The following EYS variants were observed in gnomAD, a reference collection of about 807,000 sequenced individuals.
The protein encoded by EYS is protein eyes shut homolog.
Under a neutral mutation model 282.1 loss-of-function variants are expected in EYS, and 250 were observed. The ratio of observed to expected loss-of-function variants is 0.89; its 90% confidence interval spans 0.80 to 0.98. The LOEUF (loss-of-function observed/expected upper bound fraction) is 0.98, where lower values mean the gene tolerates loss of function less well. EYS is among the 50% of genes least tolerant of loss of function. EYS has a pLI of 0.00. For synonymous variants in EYS, 1,355 were observed against 1,282.9 expected (o/e 1.06, Z -1.20); for missense variants, 4,016 against 3,709.0 (o/e 1.08, Z -2.15).
intron 22 of EYS, among the ~76,000 whole-genome samples, chr6:64,686,468 G>T (rs566572798): frequency 4.0e-5 from 6 of 151,430 alleles, no homozygotes; most frequent in Non-Finnish European, 7.4e-5. Context: ...TAGGGTGAGC[G>T]CGGTGGCTCA....
At chr6:65,295,489 C>T (rs2150285933) in intron 12 of EYS, among the ~76,000 whole-genome samples, 1 of 151,994 alleles carries the variant, frequency 6.6e-6, no homozygotes, top group African/African-American at 2.4e-5. Flanking sequence ...AAAAAATTGT[C>T]ACTCCATGTG....
chr6:65,535,253 TG>T (rs1017060017), intron 2 of EYS, among the ~76,000 whole-genome samples: 1 of 152,144 alleles, frequency 6.6e-6, no homozygotes, highest in African/African-American at 2.4e-5. Context: ...GAGCTTGATA[TG>T]GTTTGGCTGT....
At chr6:65,081,050 T>C (rs1774219185) in intron 12 of EYS, among the ~76,000 whole-genome samples, 1 of 152,128 alleles carries the variant, frequency 6.6e-6, no homozygotes, top group Admixed American at 6.6e-5. Flanking sequence ...CTCACAGCTG[T>C]AATCTTCAAA....
At chr6:64,048,711 T>TA (rs1770708747) in intron 33 of EYS, among the ~76,000 whole-genome samples, 1 of 152,160 alleles carries the variant, frequency 6.6e-6, no homozygotes, top group Non-Finnish European at 1.5e-5. Context: ...TGTTCATTTT[T>TA]ATATGACTAT....
rs144033521 is a variant in EYS, at chr6:64,094,135, T to C, written c.6425-12133A>G. Reference sequence around the variant, plus strand: ...TGATCATGGTGGATAAGCTTTTTGATGTGCTGCTGGATTCGGTTTGCCAGT... The same window carrying C: ...TGATCATGGTGGATAAGCTTTTTGACGTGCTGCTGGATTCGGTTTGCCAGT... On this transcript the variant is annotated intron_variant, in intron 31 of 42. Transcript: ENST00000503581. 5.0e-3 allele frequency among the ~76,000 whole-genome samples: 763 copies of C among 152,202 alleles called. 5 individuals carry two copies. Among genetic ancestry groups the C allele is most frequent in the African/African-American group, 0.018 (730 of 41,580 alleles).
chr6:64,186,941 A>C (rs1006338240), intron 31 of EYS, among the ~76,000 whole-genome samples: 1 of 152,128 alleles, frequency 6.6e-6, no homozygotes, highest in Non-Finnish European at 1.5e-5. Flanking sequence ...GCTCCGACGC[A>C]CTTGGGGAGC....
At chr6:64,941,718 TTA>T (rs1362097651) in intron 15 of EYS, among the ~76,000 whole-genome samples, 2 of 152,114 alleles carry the variant, frequency 1.3e-5, no homozygotes, top group East Asian at 3.9e-4. Flanking sequence ...ATATTTGGTT[TTA>T]TGTTTCTGTA....
At chr6:65,049,148 T>G (rs2150153526) in intron 13 of EYS, among the ~76,000 whole-genome samples, 1 of 151,982 alleles carries the variant, frequency 6.6e-6, no homozygotes, top group African/African-American at 2.4e-5. Context: ...AAATTCTACT[T>G]TATAATTTAG....
intron 2 of EYS, among the ~76,000 whole-genome samples, chr6:65,590,490 A>G (rs1765193297): frequency 6.6e-6 from 1 of 152,026 alleles, no homozygotes; most frequent in African/African-American, 2.4e-5. Flanking sequence ...AGAACATTCC[A>G]AATTCTCTTT....
At chr6:64,893,165 TA>T (rs145196997) in intron 18 of EYS, among the ~76,000 whole-genome samples, 128 of 152,180 alleles carry the variant, frequency 8.4e-4, no homozygotes, top group African/African-American at 2.8e-3. Flanking sequence ...TGGGATAACA[TA>T]TGCTATCAAG....
chr6:64,665,576 G>A (rs1769202180), intron 22 of EYS, among the ~76,000 whole-genome samples: 1 of 152,138 alleles, frequency 6.6e-6, no homozygotes. Context: ...ATATTTAAAT[G>A]TCTTAAGTTA....
chr6:64,594,820 C>T (rs971612126), intron 24 of EYS, among the ~76,000 whole-genome samples: 3 of 150,710 alleles, frequency 2.0e-5, no homozygotes, highest in Non-Finnish European at 4.4e-5. Flanking sequence ...TGCACATGTA[C>T]CCTAAAACTT....
chr6:65,681,334 A>C (rs1768807481), intron 1 of EYS, among the ~76,000 whole-genome samples: 1 of 152,026 alleles, frequency 6.6e-6, no homozygotes. Context: ...AAGACTTTGG[A>C]GATTCTAAGG....
At chr6:64,252,474 T>A (rs1338102818) in intron 30 of EYS, among the ~76,000 whole-genome samples, 1 of 152,126 alleles carries the variant, frequency 6.6e-6, no homozygotes, top group East Asian at 1.9e-4. Context: ...CTGTCAATCA[T>A]CATAGTCAGG....
intron 1 of EYS, among the ~76,000 whole-genome samples, chr6:65,685,604 A>T (rs1768988064): frequency 6.6e-6 from 1 of 152,042 alleles, no homozygotes; most frequent in Admixed American, 6.6e-5. Flanking sequence ...TTCCCTGTTC[A>T]ATATACCAGC....
chr6:64,382,790 A>G (rs1772788583), intron 29 of EYS, among the ~76,000 whole-genome samples: 3 of 152,198 alleles, frequency 2.0e-5, no homozygotes, highest in Non-Finnish European at 4.4e-5. Flanking sequence ...CTTCCGGACT[A>G]TTGGCACTCA....
intron 2 of EYS, among the ~76,000 whole-genome samples, chr6:65,589,010 A>C (rs1217600696): frequency 6.6e-6 from 1 of 152,016 alleles, no homozygotes; most frequent in African/African-American, 2.4e-5. Flanking sequence ...ATTCTTTAAA[A>C]GTTTCTACTT....
At chr6:64,098,768 T>C (rs1452545156) in intron 31 of EYS, among the ~76,000 whole-genome samples, 1 of 151,842 alleles carries the variant, frequency 6.6e-6, no homozygotes, top group Admixed American at 6.6e-5. Context: ...GCCCAGCTAA[T>C]TTTTTGTACT....
intron 12 of EYS, among the ~76,000 whole-genome samples, chr6:65,187,128 T>C (rs948809280): frequency 1.1e-4 from 16 of 151,792 alleles, no homozygotes; most frequent in African/African-American, 2.2e-4. Flanking sequence ...ACATTCTTTA[T>C]AGTTTAAATT....
Sources: allele counts gnomAD v4.1 joint callset (sites outside exome capture counted in the v4.1 genomes callset), GRCh38; gene constraint gnomAD v4.1.1; transcripts MANE v1.5; gene names NCBI Gene and HGNC (gene_info 2026-07-23, HGNC 2026-07-21).